Variants in AOAH observed in about 807,000 individuals in gnomAD.
AOAH encodes the protein acyloxyacyl hydrolase (neutrophil).
Under a neutral mutation model 92.2 loss-of-function variants are expected in AOAH, and 64 were observed. That is an observed-to-expected ratio of 0.69 (90% CI 0.57 to 0.86). The LOEUF (loss-of-function observed/expected upper bound fraction) is 0.86, where lower values mean the gene tolerates loss of function less well. Among genes scored for constraint, AOAH ranks in the 40% least tolerant of loss-of-function variants. AOAH has a pLI of 0.00. For missense variants in AOAH, 656 were observed against 694.6 expected (o/e 0.94, Z 0.62); for synonymous variants, 263 against 254.5 (o/e 1.03, Z -0.32).
intron 16 of AOAH, 42 bp downstream of exon 16, chr7:36,540,277 C>T (rs781647026): frequency 2.1e-5 from 32 of 1,526,096 alleles, no homozygotes; most frequent in Non-Finnish European, 2.9e-5. Flanking sequence ...ACTGTATATA[C>T]ATTGATGTTA....
chr7:36,601,560 CATTACCA>C (rs1410115343), intron 11 of AOAH, among the ~76,000 whole-genome samples: 4 of 152,190 alleles, frequency 2.6e-5, no homozygotes, highest in Non-Finnish European at 1.5e-5. Flanking sequence ...GCTTCAGTTT[CATTACCA>C]ATAAAAATAG....
intron 13 of AOAH, among the ~76,000 whole-genome samples, chr7:36,571,438 T>A (rs1350356346): frequency 6.6e-6 from 1 of 152,184 alleles, no homozygotes; most frequent in Non-Finnish European, 1.5e-5. Flanking sequence ...TTCCAATCCT[T>A]AGCCCCACCA....
At chr7:36,582,680 A>G (rs545941242) in intron 12 of AOAH, among the ~76,000 whole-genome samples, 1 of 152,322 alleles carries the variant, frequency 6.6e-6, no homozygotes, top group East Asian at 1.9e-4. Context: ...AAAATGAAAT[A>G]AAAGATGGCC....
intron 11 of AOAH, chr7:36,598,441 G>A (rs1380383111): frequency 6.6e-6 from 1 of 152,160 alleles, no homozygotes; most frequent in African/African-American, 2.4e-5. Context: ...GCAAACTTGG[G>A]GAAGATGTAT....
intron 16 of AOAH, among the ~76,000 whole-genome samples, chr7:36,534,958 C>G (rs114109808): frequency 1.4e-5 from 2 of 148,128 alleles, no homozygotes; most frequent in South Asian, 2.1e-4. Flanking sequence ...GTGTGTGTAT[C>G]TGTGTCTGTG....
intron 4 of AOAH, among the ~76,000 whole-genome samples, chr7:36,649,753 C>G (rs940069410): frequency 6.6e-6 from 1 of 152,168 alleles, no homozygotes; most frequent in Non-Finnish European, 1.5e-5. Flanking sequence ...TGAGCTTTCA[C>G]TTGCTGTCCA....
At chr7:36,702,982 T>C (rs928539686) in intron 1 of AOAH, among the ~76,000 whole-genome samples, 1 of 152,170 alleles carries the variant, frequency 6.6e-6, no homozygotes, top group Admixed American at 6.6e-5. Flanking sequence ...TTCTAAATCC[T>C]TTGTCATCAT....
At chr7:36,696,124 T>A (rs1461142799) in intron 1 of AOAH, among the ~76,000 whole-genome samples, 4 of 152,214 alleles carry the variant, frequency 2.6e-5, no homozygotes, top group African/African-American at 9.7e-5. Context: ...GGGCTTCCTA[T>A]TTTGTATCAC....
intron 11 of AOAH, among the ~76,000 whole-genome samples, chr7:36,603,118 G>T (rs1276093105): frequency 6.6e-6 from 1 of 152,142 alleles, no homozygotes; most frequent in African/African-American, 2.4e-5. Flanking sequence ...GTAGGTTTGT[G>T]GTGGGGCCCT....
chr7:36,708,614 A>T (rs540805142), intron 1 of AOAH, among the ~76,000 whole-genome samples: 1 of 151,828 alleles, frequency 6.6e-6, no homozygotes, highest in African/African-American at 2.4e-5. Context: ...ATGTCTACTA[A>T]TTTTTTTTGT....
At position 36,689,957 on chromosome 7, in the gene AOAH, A is replaced by G. The variant is rs566994804; in HGVS notation, c.128-3163T>C. Reference sequence around the variant, plus strand: ...GAGGAGTCTCCATTCCTATGACCCCAGTGATCATAAACCTTGGATGCTGTT... The same window carrying G: ...GAGGAGTCTCCATTCCTATGACCCCGGTGATCATAAACCTTGGATGCTGTT... On this transcript the variant is annotated intron_variant, in intron 1 of 20. Coordinates refer to ENST00000617537, the MANE Select transcript of AOAH (RefSeq NM_001637.4). 1.3e-4 allele frequency: 39 copies of G among 297,858 alleles called. 1 individual carries two copies. Among genetic ancestry groups the G allele is most frequent in the South Asian group, 5.7e-4 (19 of 33,360 alleles). 18.5% of individuals were successfully genotyped at this position (297,858 alleles called of 1,614,324 possible). A position where few individuals can be genotyped will look rare whatever the true frequency, so the allele number is the denominator to read the frequency against.
In AOAH at chr7:36,587,528, T is replaced by C. The variant is rs1264302201; in HGVS notation, c.938+6811A>G. 2.0e-5 allele frequency among the ~76,000 whole-genome samples: 3 copies of C among 152,192 alleles called. No individual in the cohort carries two copies. In the East Asian group the frequency reaches 5.8e-4, roughly 29 times the overall value. On this transcript the variant is annotated intron_variant, in intron 12 of 20. Coordinates refer to ENST00000617537, the MANE Select transcript of AOAH (RefSeq NM_001637.4). ...TGGCCTGTCTTGCACTTTTAATGAA[T>C]CTTTTACCCATGCATCATCTTAATC...
At chr7:36,524,502 T>TAAA (rs11309945) in intron 19 of AOAH, among the ~76,000 whole-genome samples, 12 of 136,660 alleles carry the variant, frequency 8.8e-5, no homozygotes, top group African/African-American at 3.0e-4. Flanking sequence ...AAAGAAAACC[T>TAAA]AAAAAAAAAA....
At chr7:36,718,081 G>A (rs1363597373) in intron 1 of AOAH, among the ~76,000 whole-genome samples, 2 of 152,000 alleles carry the variant, frequency 1.3e-5, no homozygotes, top group African/African-American at 4.8e-5. Context: ...CGTCTATCTA[G>A]AATATATGGA....
chr7:36,688,082 C>T (rs971120040), intron 1 of AOAH, among the ~76,000 whole-genome samples: 3 of 152,144 alleles, frequency 2.0e-5, no homozygotes, highest in African/African-American at 7.2e-5. Context: ...AGAGTACCTA[C>T]TTAAGGATGC....
intron 2 of AOAH, among the ~76,000 whole-genome samples, chr7:36,678,600 T>TGTGTGTGTGTGTGTGTGTGCGCGCGCGC (rs549317369): frequency 9.2e-5 from 12 of 131,028 alleles, no homozygotes; most frequent in Non-Finnish European, 1.5e-4. Flanking sequence ...TGTGTGTGTG[T>TGTGTGTGTGTGTGTGTGTGCGCGCGCGC]GCGCGCGCGC....
At chr7:36,575,889 T>C (rs1788463385) in intron 13 of AOAH, among the ~76,000 whole-genome samples, 1 of 152,226 alleles carries the variant, frequency 6.6e-6, no homozygotes, top group African/African-American at 2.4e-5. Flanking sequence ...TTGTCAGACG[T>C]GCTGTGTTTC....
At chr7:36,671,930 G>A (rs1795965030) in intron 3 of AOAH, among the ~76,000 whole-genome samples, 1 of 152,174 alleles carries the variant, frequency 6.6e-6, no homozygotes, top group Middle Eastern at 3.2e-3. Context: ...CAGAGGATGT[G>A]AAGACTTCGA....
At chr7:36,703,054 T>A (rs1452566224) in intron 1 of AOAH, among the ~76,000 whole-genome samples, 1 of 152,194 alleles carries the variant, frequency 6.6e-6, no homozygotes, top group Non-Finnish European at 1.5e-5. Context: ...TTTATTTGCT[T>A]AGCCATAAGA....
Sources: allele counts gnomAD v4.1 joint callset (sites outside exome capture counted in the v4.1 genomes callset), GRCh38; gene constraint gnomAD v4.1.1; transcripts MANE v1.5; gene names NCBI Gene and HGNC (gene_info 2026-07-23, HGNC 2026-07-21).